PRUNE2: variants seen among roughly 807,000 people sequenced by gnomAD.
The protein encoded by PRUNE2 is prune homolog 2 with BCH domain.
In PRUNE2, 164 loss-of-function variants were observed where a neutral mutation model predicts 252.0. The observed-to-expected ratio is 0.65, with a 90% CI of 0.57 to 0.74. PRUNE2 has a LOEUF of 0.74. Ranked by LOEUF, PRUNE2 falls within the 30% of genes least tolerant of loss-of-function variation. PRUNE2 has a pLI of 0.00. For synonymous variants in PRUNE2, 1,292 were observed against 1,350.2 expected (o/e 0.96, Z 0.94); for missense variants, 3,495 against 3,711.0 (o/e 0.94, Z 1.51).
chr9:76,709,226 T>C lies in PRUNE2; in HGVS notation c.3048A>G (p.Gln1016=). 6.2e-7 allele frequency: 1 copy of C among 1,613,898 alleles called. No homozygotes were observed. The highest frequency in any genetic ancestry group is 8.5e-7 in the Non-Finnish European group (1 of 1,179,844). ...AACTGATTCGATTTCGAGATGACTGTTGCAGTGACTGAGGAGGAATGTCAG... is the reference window on the plus strand; with the variant it reads ...AACTGATTCGATTTCGAGATGACTGCTGCAGTGACTGAGGAGGAATGTCAG... ...EETDIPPQSL[Q]QSSRNRISSG... The change falls in exon 8 of 19, where the codon CAA becomes CAG. Residue 1016 remains glutamine, a synonymous_variant. Transcript: ENST00000376718.
intron 17 of PRUNE2, among the ~76,000 whole-genome samples, chr9:76,620,013 G>T (rs1831468040): frequency 6.6e-6 from 1 of 151,980 alleles, no homozygotes; most frequent in Admixed American, 6.6e-5. Flanking sequence ...TGGCATTTAT[G>T]TTTTTTGTGT....
chr9:76,891,383 A>G (rs1188625787), intron 1 of PRUNE2, among the ~76,000 whole-genome samples: 1 of 152,216 alleles, frequency 6.6e-6, no homozygotes, highest in South Asian at 2.1e-4. Flanking sequence ...CATTACAGGC[A>G]TGTCAGGTGA....
At chr9:76,780,081 G>T (rs918696750) in intron 6 of PRUNE2, among the ~76,000 whole-genome samples, 2 of 152,108 alleles carry the variant, frequency 1.3e-5, no homozygotes, top group African/African-American at 2.4e-5. Context: ...TGTCTTTGTT[G>T]CCTTTTAATT....
At chr9:76,739,347 C>T (rs551153653) in intron 6 of PRUNE2, 2 of 152,172 alleles carry the variant, frequency 1.3e-5, no homozygotes, top group Admixed American at 6.5e-5. Context: ...CTCAAGCTCT[C>T]GGTTTAGAGC....
intron 9 of PRUNE2, among the ~76,000 whole-genome samples, chr9:76,664,009 G>A (rs1457747506): frequency 6.6e-6 from 1 of 152,152 alleles, no homozygotes; most frequent in African/African-American, 2.4e-5. Flanking sequence ...ACGCAGATCC[G>A]CTACATCCTA....
At chr9:76,733,070 C>T (rs948062301) in intron 6 of PRUNE2, among the ~76,000 whole-genome samples, 2 of 152,104 alleles carry the variant, frequency 1.3e-5, no homozygotes, top group African/African-American at 2.4e-5. Context: ...GGGGAAATAA[C>T]GGTAGAGTCA....
intron 9 of PRUNE2, among the ~76,000 whole-genome samples, chr9:76,664,616 G>A (rs1030398771): frequency 3.3e-5 from 5 of 152,252 alleles, no homozygotes; most frequent in African/African-American, 9.6e-5. Flanking sequence ...CATCTCCTGC[G>A]TTCAAGTGAT....
intron 2 of PRUNE2, among the ~76,000 whole-genome samples, chr9:76,850,983 G>C (rs2059925339): frequency 6.6e-6 from 1 of 151,796 alleles, no homozygotes; most frequent in Non-Finnish European, 1.5e-5. Context: ...GATAACATTT[G>C]TATATAAATT....
chr9:76,849,910 T>C (rs1350163635), intron 3 of PRUNE2, among the ~76,000 whole-genome samples: 1 of 152,176 alleles, frequency 6.6e-6, no homozygotes, highest in Non-Finnish European at 1.5e-5. Flanking sequence ...AAAGATTTCA[T>C]ATCTGAAATG....
At chr9:76,813,064 T>A (rs2057462493) in intron 6 of PRUNE2, among the ~76,000 whole-genome samples, 1 of 152,226 alleles carries the variant, frequency 6.6e-6, no homozygotes, top group African/African-American at 2.4e-5. Flanking sequence ...AAAGGCTATA[T>A]AATGATATAC....
At chr9:76,719,642 A>T (rs375718741) in intron 6 of PRUNE2, among the ~76,000 whole-genome samples, 14 of 151,870 alleles carry the variant, frequency 9.2e-5, no homozygotes, top group African/African-American at 3.4e-4. Flanking sequence ...AGATTAAAAA[A>T]ATATATGTTC....
intron 6 of PRUNE2, chr9:76,737,008 T>C (rs2049132231): frequency 6.6e-6 from 1 of 152,016 alleles, no homozygotes; most frequent in Non-Finnish European, 1.5e-5. Context: ...TATGGGACAG[T>C]ATAAGATGGT....
intron 9 of PRUNE2, among the ~76,000 whole-genome samples, chr9:76,698,449 T>C (rs918638070): frequency 7.9e-5 from 12 of 152,186 alleles, no homozygotes; most frequent in Non-Finnish European, 1.6e-4. Context: ...AGTGCTAAGT[T>C]TGTTCTTCCA....
intron 6 of PRUNE2, among the ~76,000 whole-genome samples, chr9:76,818,704 C>T (rs561063976): frequency 6.6e-6 from 1 of 152,258 alleles, no homozygotes; most frequent in Non-Finnish European, 1.5e-5. Flanking sequence ...CACCGTTCCT[C>T]ATTTAAAGGA....
intron 6 of PRUNE2, among the ~76,000 whole-genome samples, chr9:76,720,035 A>C (rs1454330250): frequency 2.0e-5 from 3 of 152,214 alleles, no homozygotes; most frequent in Non-Finnish European, 4.4e-5. Flanking sequence ...AATAACTAAA[A>C]CTTACAAACA....
At chr9:76,751,243 G>A (rs2050583830) in intron 6 of PRUNE2, among the ~76,000 whole-genome samples, 1 of 121,884 alleles carries the variant, frequency 8.2e-6, no homozygotes, top group African/African-American at 3.2e-5. Context: ...AGTTCCCTAG[G>A]GGACACAGAC....
At chr9:76,754,453 T>C (rs187439527) in intron 6 of PRUNE2, among the ~76,000 whole-genome samples, 1 of 152,340 alleles carries the variant, frequency 6.6e-6, no homozygotes, top group African/African-American at 2.4e-5. Flanking sequence ...CGTCCCTTTT[T>C]ATATGGGCAC....
At position 76,704,814 on chromosome 9, in the gene PRUNE2, A is replaced by G; in HGVS notation, c.7460T>C (p.Val2487Ala). The G allele has an allele frequency of 1.3e-6, 2 of 1,585,390 alleles. No individual in the cohort carries two copies. The change falls in exon 8 of 19, where the codon GTA (valine) becomes GCA (alanine). Residue 2487 changes from valine to alanine, a missense_variant. Coordinates refer to ENST00000376718, the MANE Select transcript of PRUNE2 (RefSeq NM_015225.3). ...ILSPSNVDWE[V>A]ETDNSDLPAG... ...TGGTAAATCAGAATTATCTGTTTCT[A>G]CTTCCCAGTCAACGTTTGATGGAGA...
chr9:76,683,896 A>C (rs1760396842), intron 9 of PRUNE2, among the ~76,000 whole-genome samples: 1 of 151,078 alleles, frequency 6.6e-6, no homozygotes, highest in African/African-American at 2.4e-5. Flanking sequence ...ATACCCCATG[A>C]ATATTTTTGT....
Sources: allele counts gnomAD v4.1 joint callset (sites outside exome capture counted in the v4.1 genomes callset), GRCh38; gene constraint gnomAD v4.1.1; transcripts MANE v1.5; gene names NCBI Gene and HGNC (gene_info 2026-07-23, HGNC 2026-07-21).